The following NLK variants were observed in gnomAD, a reference collection of about 807,000 sequenced individuals.
NLK encodes the protein nemo like kinase.
NLK carries 11 observed loss-of-function variants against 59.0 expected under a neutral mutation model. The observed-to-expected ratio is 0.19, with a 90% CI of 0.12 to 0.31. The LOEUF (loss-of-function observed/expected upper bound fraction) is 0.31. NLK is among the 10% of genes least tolerant of loss of function. The probability of loss-of-function intolerance (pLI) is 1.00; values close to 1 mark genes in which losing one functional copy is unlikely to be tolerated. For missense variants in NLK, 410 were observed against 661.1 expected, an observed-to-expected ratio of 0.62 and a Z score of 4.16; for synonymous variants, 235 against 235.9, an observed-to-expected ratio of 1.00 and a Z score of 0.03.
At position 28,043,300 on chromosome 17, in the gene NLK, C is replaced by G; in HGVS notation, c.427C>G (p.Pro143Ala). 1.3e-6 allele frequency: 2 copies of G among 1,584,734 alleles called. No individual in the cohort carries two copies. The highest frequency in any genetic ancestry group is 1.7e-6 in the Non-Finnish European group (2 of 1,166,832). ...GCAGCTGGATATTGAGCCGGATAGA[C>G]CTATTGGATATGGAGCCTTTGGTGT... The part of the protein sequence containing the change: ...QQQLDIEPDR[P>A]IGYGAFGVVW... The change falls in exon 1 of 11, where the codon CCT becomes GCT. Residue 143 changes from proline (P) to alanine (A), a missense_variant. This residue lies in a region of NLK where 73 missense variants were observed against 197.2 expected (regional missense o/e 0.37). Transcript: ENST00000407008.
chr17:28,198,556 C>T (rs530904226), downstream of NLK, among the ~76,000 whole-genome samples: 4 of 152,304 alleles, frequency 2.6e-5, no homozygotes, highest in South Asian at 6.2e-4. Flanking sequence ...AACTCCTGAC[C>T]TCAAATGATC....
rs1419135230 is a variant in NLK at position 28,192,124 on chromosome 17, T to C, written c.1440T>C (p.Ile480=). The C allele has an allele frequency of 2.5e-6, 4 of 1,591,586 alleles. No homozygotes were observed. Among genetic ancestry groups the C allele is most frequent in the Middle Eastern group, 1.7e-4 (1 of 6,010 alleles). ...TGATGTTTGTTTTCTCCACAGAAAT[T>C]ATTCATCAGTTCATTTTGGAACAGC... ...NLSSVRQVKE[I]IHQFILEQQK... is the part of the protein sequence containing the mutation. Residue 480 remains isoleucine (I), a synonymous_variant, in exon 10 of 11, where the codon ATT becomes ATC. Transcript: ENST00000407008.
intron 3 of NLK, among the ~76,000 whole-genome samples, chr17:28,149,612 T>C (rs1398053771): frequency 6.6e-6 from 1 of 152,260 alleles, no homozygotes; most frequent in Admixed American, 6.5e-5. Context: ...TTTGTTGCTC[T>C]TATTCCTGGT....
chr17:28,093,023 G>A (rs1442492478), intron 1 of NLK, among the ~76,000 whole-genome samples: 1 of 151,956 alleles, frequency 6.6e-6, no homozygotes, highest in Non-Finnish European at 1.5e-5. Flanking sequence ...TCGATCTCCT[G>A]ACCTCCTGAT....
At chr17:28,129,783 T>G (rs1906444079) in intron 2 of NLK, among the ~76,000 whole-genome samples, 1 of 152,080 alleles carries the variant, frequency 6.6e-6, no homozygotes, top group South Asian at 2.1e-4. Flanking sequence ...ACAGATAAAT[T>G]TCTTGTCTTT....
At chr17:28,095,650 A>G (rs1029717053) in intron 1 of NLK, among the ~76,000 whole-genome samples, 1 of 152,198 alleles carries the variant, frequency 6.6e-6, no homozygotes, top group Non-Finnish European at 1.5e-5. Context: ...CTGCAATTAC[A>G]ATATATATAT....
chr17:28,129,153 G>A (rs972873806), intron 2 of NLK, among the ~76,000 whole-genome samples: 1 of 152,096 alleles, frequency 6.6e-6, no homozygotes, highest in African/African-American at 2.4e-5. Context: ...GATGGGTTTT[G>A]ACTGAAAAAA....
intron 1 of NLK, among the ~76,000 whole-genome samples, chr17:28,089,148 A>G (rs1904391001): frequency 6.6e-6 from 1 of 152,228 alleles, no homozygotes; most frequent in African/African-American, 2.4e-5. Context: ...TGATGTACGT[A>G]TACACATGAA....
intron 1 of NLK, among the ~76,000 whole-genome samples, chr17:28,106,906 G>A (rs993204858): frequency 2.6e-5 from 4 of 152,092 alleles, no homozygotes; most frequent in African/African-American, 7.2e-5. Flanking sequence ...CATATATAAT[G>A]TACTGGTTAA....
chr17:28,206,054 A>G, the NLK span, among the ~76,000 whole-genome samples: 3 of 152,222 alleles, frequency 2.0e-5, no homozygotes, highest in Non-Finnish European at 1.5e-5. Flanking sequence ...AATATATACA[A>G]TAAAAACAAA....
At chr17:28,178,591 G>A (rs2142063103) in intron 7 of NLK, among the ~76,000 whole-genome samples, 1 of 152,220 alleles carries the variant, frequency 6.6e-6, no homozygotes, top group South Asian at 2.1e-4. Context: ...TTAGGTTTAG[G>A]TCTTCAGTTT....
rs968734302 is a variant in NLK, at chr17:28,150,922, C to T, written c.645-10238C>T. ...CTTTGGTCCTATAGTTTATCTTCAT[C>T]CAATGGTAACTTAAAGGGCCATAGC... On this transcript the variant is annotated intron_variant, in intron 3 of 10. Coordinates refer to ENST00000407008, the MANE Select transcript of NLK (RefSeq NM_016231.5). Among the ~76,000 whole-genome samples, 6 of 152,256 alleles carry T rather than the reference C, an allele frequency of 3.9e-5. No individual in the cohort carries two copies. The South Asian group carries it at 1.2e-3, about 32-fold the overall frequency.
intron 8 of NLK, among the ~76,000 whole-genome samples, chr17:28,185,767 G>A (rs1011658638): frequency 6.6e-6 from 1 of 152,092 alleles, no homozygotes; most frequent in Admixed American, 6.6e-5. Flanking sequence ...TGAACTCCTG[G>A]AGTCAAGTGA....
At chr17:28,083,851 T>C (rs929280161) in intron 1 of NLK, among the ~76,000 whole-genome samples, 2 of 152,188 alleles carry the variant, frequency 1.3e-5, no homozygotes, top group South Asian at 4.1e-4. Flanking sequence ...AAATAATATA[T>C]AGGTATGAAG....
intron 1 of NLK, among the ~76,000 whole-genome samples, chr17:28,113,680 T>C (rs1905625607): frequency 6.6e-6 from 1 of 152,186 alleles, no homozygotes; most frequent in South Asian, 2.1e-4. Context: ...GCACGGTCTT[T>C]ATGACCTGTA....
chr17:28,065,756 A>C (rs933356662), intron 1 of NLK, among the ~76,000 whole-genome samples: 1 of 152,172 alleles, frequency 6.6e-6, no homozygotes, highest in Admixed American at 6.5e-5. Context: ...CTTGAGGCTC[A>C]TTACTAGATA....
At position 28,186,605 on chromosome 17, in the gene NLK, G is replaced by A. The variant is rs1028206255; in HGVS notation, c.1236+1340G>A. ...GCCTCACAATCATGGCGGGAGGTGA[G>A]GAGGAGCAAGTCATGTCTATATGGA... On this transcript the variant is annotated intron_variant, in intron 8 of 10. Coordinates refer to ENST00000407008, the MANE Select transcript of NLK (RefSeq NM_016231.5). Among the ~76,000 whole-genome samples, 5 of 151,210 alleles carry A rather than the reference G, an allele frequency of 3.3e-5. No homozygotes were observed. The East Asian group carries it at 9.6e-4, about 29-fold the overall frequency.
rs1434537013 is a variant in NLK, at chr17:28,056,560, G to A, written c.458+13229G>A. ...GAACGTGCATCTGAGAAAAACCATG[G>A]AATATTTAGATTAATCTGTTGGTTA... On this transcript the variant is annotated intron_variant, in intron 1 of 10. Coordinates refer to ENST00000407008, the MANE Select transcript of NLK (RefSeq NM_016231.5). 2.6e-5 allele frequency among the ~76,000 whole-genome samples: 4 copies of A among 152,142 alleles called. 1 individual carries two copies. The highest frequency in any genetic ancestry group is 2.6e-4 in the Admixed American group (4 of 15,276).
chr17:28,097,821 C>T (rs887516690), intron 1 of NLK, among the ~76,000 whole-genome samples: 3 of 152,096 alleles, frequency 2.0e-5, no homozygotes, highest in African/African-American at 7.2e-5. Flanking sequence ...GTTGTGATTC[C>T]TGCCTTTGTT....
Sources: gnomAD v4.1 joint callset for allele counts (sites outside exome capture counted in the v4.1 genomes callset) on GRCh38, gnomAD v4.1.1 for gene constraint, gnomAD v4.1.1 regional missense constraint, MANE v1.5 for transcripts, NCBI Gene and HGNC (gene_info 2026-07-23, HGNC 2026-07-21) for gene names.